The following NPIPA5 variants were observed in gnomAD, a reference collection of about 807,000 sequenced individuals.
NPIPA5 encodes the protein nuclear pore complex-interacting protein family member A5.
A neutral mutation model predicts 21.4 loss-of-function variants in NPIPA5; 6 were observed. That is an observed-to-expected ratio of 0.28 (90% CI 0.15 to 0.55). The LOEUF (loss-of-function observed/expected upper bound fraction) is 0.55. Among genes scored for constraint, NPIPA5 ranks in the 20% least tolerant of loss-of-function variants. The pLI, the probability that NPIPA5 is intolerant of heterozygous loss-of-function variation, is 0.93. For missense variants in NPIPA5, 99 were observed against 318.2 expected, an observed-to-expected ratio of 0.31 and a Z score of 5.24; for synonymous variants, 33 against 115.3, an observed-to-expected ratio of 0.29 and a Z score of 4.57.
chr16:15,372,005 T>A (rs2050168008), intron 2 of NPIPA5, among the ~76,000 whole-genome samples: 1 of 145,010 alleles, frequency 6.9e-6, no homozygotes, highest in Non-Finnish European at 1.5e-5. Flanking sequence ...AGGAGAAATG[T>A]CAAACACATG....
upstream of NPIPA5, among the ~76,000 whole-genome samples, chr16:15,379,875 C>T (rs1228648473): frequency 2.6e-5 from 4 of 151,628 alleles, no homozygotes; most frequent in African/African-American, 4.9e-5. Context: ...ACCCGGGAGA[C>T]GGAGGTTGCA....
chr16:15,381,579 C>T (rs1241991957), upstream of NPIPA5: 1 of 152,366 alleles, frequency 6.6e-6, no homozygotes, highest in Non-Finnish European at 1.5e-5. Context: ...TCCGGAGCCA[C>T]ACTGTTTAGA....
At chr16:15,381,053 G>T (rs1357349131), upstream of NPIPA5, 2 of 1,527,902 alleles carry the variant, frequency 1.3e-6, no homozygotes, top group East Asian at 2.4e-5. Flanking sequence ...ACCATTTGCA[G>T]AATGAGAACA....
chr16:15,370,136 T>A lies in NPIPA5; in HGVS notation c.193-17A>T. 1 of 1,571,434 alleles carries A rather than the reference T, an allele frequency of 6.4e-7. No homozygotes were observed. Among genetic ancestry groups the A allele is most frequent in the Non-Finnish European group, 8.6e-7 (1 of 1,167,284 alleles). On this transcript the variant is annotated splice_polypyrimidine_tract_variant and intron_variant, in intron 2 of 7. Coordinates refer to ENST00000360151, the MANE Select transcript of NPIPA5 (RefSeq NM_001277325.2). Reference sequence around the variant, plus strand: ...GAAAGACACCTAGGAAATAATAATATAAGAATGACGGCTAGGCACGGTGGC... The same window carrying A: ...GAAAGACACCTAGGAAATAATAATAAAAGAATGACGGCTAGGCACGGTGGC...
rs570733511 is a variant in NPIPA5 at position 15,370,320 on chromosome 16, G to A, written c.193-201C>T. Among the ~76,000 whole-genome samples the A allele has an allele frequency of 4.4e-4, 64 of 145,212 alleles. 3 individuals are homozygous for A. Among genetic ancestry groups the A allele is most frequent in the African/African-American group, 1.5e-3 (60 of 39,988 alleles). On this transcript the variant is annotated intron_variant, in intron 2 of 7. Coordinates refer to ENST00000360151, the MANE Select transcript of NPIPA5 (RefSeq NM_001277325.2). ...TGGGCGCCTGTAATCCAAGCTACTC[G>A]GGAGGCTGAGGCAGAGAACCGTTTG...
intron 7 of NPIPA5, 79 bp from the exon 8 acceptor site, chr16:15,364,148 C>G (rs1246124674): frequency 7.2e-7 from 1 of 1,385,202 alleles, no homozygotes; most frequent in Admixed American, 2.4e-5. Context: ...CAGTCTGCAC[C>G]TTCTGTTGCT....
chr16:15,381,481 C>T (rs1232458939), upstream of NPIPA5: 8 of 982,946 alleles, frequency 8.1e-6, no homozygotes, highest in African/African-American at 7.0e-5. Flanking sequence ...CTCATTTTTA[C>T]ATTACTAATT....
At chr16:15,367,395 A>C (rs1487417023) in intron 4 of NPIPA5, among the ~76,000 whole-genome samples, 1 of 152,156 alleles carries the variant, frequency 6.6e-6, no homozygotes, top group Admixed American at 6.5e-5. Context: ...ATTAGAAATG[A>C]TGGGAATGGC....
chr16:15,376,886 A>C (rs2050311174), intron 1 of NPIPA5, among the ~76,000 whole-genome samples: 1 of 152,116 alleles, frequency 6.6e-6, no homozygotes. Flanking sequence ...AGGCAGGACA[A>C]TTGCTTGAAC....
chr16:15,379,526 C>T (rs1267306103), upstream of NPIPA5, among the ~76,000 whole-genome samples: 1 of 151,910 alleles, frequency 6.6e-6, no homozygotes, highest in Admixed American at 6.6e-5. Context: ...GAGATTGCAC[C>T]ACTGCACTCC....
At chr16:15,380,814 C>T, upstream of NPIPA5, 1 of 571,556 alleles carries the variant, frequency 1.7e-6, no homozygotes, top group Non-Finnish European at 3.1e-6. Context: ...GAGGAAGAAG[C>T]CAGTACTGAG....
At chr16:15,380,278 T>C (rs980306836), upstream of NPIPA5, among the ~76,000 whole-genome samples, 1 of 151,794 alleles carries the variant, frequency 6.6e-6, no homozygotes, top group South Asian at 2.1e-4. Context: ...TGTTAAAAAG[T>C]AGTTTAGAAG....
At chr16:15,369,201 A>C (rs1424734451) in intron 4 of NPIPA5, among the ~76,000 whole-genome samples, 2 of 148,704 alleles carry the variant, frequency 1.3e-5, no homozygotes, top group African/African-American at 4.9e-5. Context: ...CATGCCTCTA[A>C]TCCCAGCACT....
At chr16:15,365,945 T>A (rs1282720535) in intron 5 of NPIPA5, among the ~76,000 whole-genome samples, 1 of 56,952 alleles carries the variant, frequency 1.8e-5, no homozygotes, top group African/African-American at 4.7e-5. Flanking sequence ...GGCAGGCACC[T>A]GTAATCCCAG....
rs536519174 is a variant in NPIPA5, at chr16:15,367,447, G to A, written c.438-687C>T. Among the ~76,000 whole-genome samples, 80 of 152,096 alleles carry A rather than the reference G, an allele frequency of 5.3e-4. 1 individual carries two copies. The highest frequency in any genetic ancestry group is 9.0e-4 in the Non-Finnish European group (61 of 68,014). On this transcript the variant is annotated intron_variant, in intron 4 of 7. Transcript: ENST00000360151. ...TATGTCCTGAAAATAGGTGACAACG[G>A]CAAACCATCCACCCTGGTGTTGACT...
At chr16:15,372,530 A>G (rs1317160991) in intron 2 of NPIPA5, among the ~76,000 whole-genome samples, 30 of 144,888 alleles carry the variant, frequency 2.1e-4, no homozygotes, top group African/African-American at 4.8e-4. Context: ...AATTTATACC[A>G]AAAATTCTCT....
At chr16:15,377,732 G>GAA in intron 1 of NPIPA5, among the ~76,000 whole-genome samples, 1 of 140,626 alleles carries the variant, frequency 7.1e-6, no homozygotes, top group Non-Finnish European at 1.6e-5. Context: ...AGGAGGAGAA[G>GAA]AAAGGGGTCT....
chr16:15,370,913 G>GT, intron 2 of NPIPA5, among the ~76,000 whole-genome samples: 1 of 141,314 alleles, frequency 7.1e-6, no homozygotes, highest in African/African-American at 2.5e-5. Context: ...TGAGCATGGT[G>GT]GCGCACGCCT....
intron 4 of NPIPA5, among the ~76,000 whole-genome samples, chr16:15,367,227 G>A (rs530301821): frequency 6.7e-4 from 102 of 152,174 alleles, no homozygotes; most frequent in African/African-American, 2.3e-3. Context: ...GGCTGATGCC[G>A]GAACTGAGAC....
Sources: allele counts gnomAD v4.1 joint callset (sites outside exome capture counted in the v4.1 genomes callset), GRCh38; gene constraint gnomAD v4.1.1; transcripts MANE v1.5; gene names NCBI Gene and HGNC (gene_info 2026-07-23, HGNC 2026-07-21).